EAF1: variants seen among roughly 807,000 people sequenced by gnomAD.
EAF1 encodes ELL associated factor 1.
Under a neutral mutation model 26.6 loss-of-function variants are expected in EAF1, and 19 were observed. That is an observed-to-expected ratio of 0.71 (90% CI 0.50 to 1.05). The LOEUF is 1.05. Ranked by LOEUF, EAF1 falls within the 50% of genes least tolerant of loss-of-function variation. EAF1 has a pLI of 0.00. For synonymous variants in EAF1, 102 were observed against 120.6 expected (o/e 0.85, Z 1.01); for missense variants, 260 against 335.5 (o/e 0.78, Z 1.76).
rs767213809 is a variant in EAF1, at chr3:15,427,631, T to A, written c.-149T>A. 1 of 763,196 alleles carries A rather than the reference T, an allele frequency of 1.3e-6. No individual in the cohort carries two copies. The highest frequency in any genetic ancestry group is 2.2e-6 in the Non-Finnish European group (1 of 460,410). 47.3% of individuals were successfully genotyped at this position (763,196 alleles called of 1,614,324 possible). A position where few individuals can be genotyped will look rare whatever the true frequency, so the allele number is the denominator to read the frequency against. ...CCCCCACGCAGAGGAGAGAACTTGC[T>A]TCTGGACCCGGGTGGGTGCCGGCTC... On this transcript the variant is annotated 5_prime_UTR_variant, in exon 1 of 6. Coordinates refer to ENST00000396842, the MANE Select transcript of EAF1 (RefSeq NM_033083.7).
chr3:15,438,937 G>A (rs2061850647), intron 5 of EAF1, 172 bp from the exon 6 acceptor site: 1 of 615,442 alleles, frequency 1.6e-6, no homozygotes, highest in Non-Finnish European at 2.8e-6. Flanking sequence ...ATAACCAAAA[G>A]CACCATTTTG....
chr3:15,439,091 A>AT lies in EAF1; in HGVS notation c.761-7dup, dbSNP rs199579790. ...TTGTTTGATTCTATGATTTTACTTT[A>AT]TTTTTTTTTTTAAATAGGAAATGAC... On this transcript the variant is annotated splice_polypyrimidine_tract_variant and intron_variant, in intron 5 of 5. Transcript: ENST00000396842. The AT allele has an allele frequency of 9.2e-3, 11,715 of 1,277,398 alleles. 11 individuals are homozygous for AT. Among genetic ancestry groups the AT allele is most frequent in the Non-Finnish European group, 0.01 (9,517 of 930,306 alleles). The allele number at this position is 1,277,398 out of a possible 1,614,324, so 79.1% of individuals were successfully genotyped here.
chr3:15,433,033 A>T (rs2061811372), intron 3 of EAF1: 1 of 151,944 alleles, frequency 6.6e-6, no homozygotes, highest in Non-Finnish European at 1.5e-5. Context: ...GCACTCTGCT[A>T]GATGCTTTAT....
Position 15,434,472 on chromosome 3 carries a change from G to A in EAF1, c.460G>A (p.Gly154Arg). The part of the protein sequence containing the change: ...PFRAPTKPPV[G>R]PKTSPLKDNP... ...CAGAGCTCCAACGAAGCCTCCAGTT[G>A]GACCCAAAACTTCTCCCTTGAAAGA... The change falls in exon 4 of 6, where the codon GGA (glycine) becomes AGA (arginine). Residue 154 changes from glycine to arginine, a missense_variant. Gly to Arg is a moderately radical substitution (Grantham distance 125). Transcript: ENST00000396842. 6.2e-7 allele frequency: 1 copy of A among 1,614,112 alleles called. No homozygotes were observed. Among genetic ancestry groups the A allele is most frequent in the Non-Finnish European group, 8.5e-7 (1 of 1,180,032 alleles).
rs745886469 is a variant in EAF1 at position 15,436,454 on chromosome 3, C to A, written c.639C>A (p.Gly213=). ...GSDDDSSSSG[G]EDNGPASPPQ... Reference sequence around the variant, plus strand: ...ATGACGATAGCTCCAGCAGTGGAGGCGAGGACAATGGCCCAGCCTCTCCTC... The same window carrying A: ...ATGACGATAGCTCCAGCAGTGGAGGAGAGGACAATGGCCCAGCCTCTCCTC... Residue 213 remains glycine (G), a synonymous_variant, in exon 5 of 6, where the codon GGC becomes GGA. Coordinates refer to ENST00000396842, the MANE Select transcript of EAF1 (RefSeq NM_033083.7). 1.9e-6 allele frequency: 3 copies of A among 1,613,558 alleles called. No homozygotes were observed. Among genetic ancestry groups the A allele is most frequent in the Admixed American group, 3.3e-5 (2 of 60,008 alleles).
In EAF1 at chr3:15,436,617, G is replaced by A. The variant is rs573134808; in HGVS notation, c.760+42G>A. ...TTTTATGGCTGAGAGAGGGCCATAG[G>A]TGCAGCTTCTATTTATCCTGTGCCA... On this transcript the variant is annotated intron_variant, in intron 5 of 5. Transcript: ENST00000396842. 1.4e-4 allele frequency: 206 copies of A among 1,446,162 alleles called. 1 individual carries two copies. In the South Asian group the frequency reaches 1.7e-3, roughly 12 times the overall value. The allele number at this position is 1,446,162 out of a possible 1,614,324, so 89.6% of individuals were successfully genotyped here.
chr3:15,438,284 A>G (rs1391649164), intron 5 of EAF1, among the ~76,000 whole-genome samples: 1 of 152,208 alleles, frequency 6.6e-6, no homozygotes, highest in African/African-American at 2.4e-5. Context: ...GTAAACAGGA[A>G]TCTGGGGTTT....
At position 15,427,729 on chromosome 3, in the gene EAF1, C is replaced by A. The variant is rs548787128; in HGVS notation, c.-51C>A. 4 of 1,524,180 alleles carry A rather than the reference C, an allele frequency of 2.6e-6. No homozygotes were observed. Among genetic ancestry groups the A allele is most frequent in the Admixed American group, 2.0e-5 (1 of 50,774 alleles). The allele number at this position is 1,524,180 out of a possible 1,614,324, so 94.4% of individuals were successfully genotyped here. ...AGACGCCAGCGCCAGAAGCTCGGAT[C>A]GCGGCTGCACCGGGAGAGCGCCGAT... is the stretch of plus-strand genomic sequence containing the variant. On this transcript the variant is annotated 5_prime_UTR_variant, in exon 1 of 6. Transcript: ENST00000396842.
rs534963267 is a variant in EAF1 at position 15,435,853 on chromosome 3, A to C, written c.527-489A>C. On this transcript the variant is annotated intron_variant, in intron 4 of 5. Transcript: ENST00000396842. ...GAGGCTGTCTGGTTTTCATTTTTCC[A>C]GAGTGGCTTGGAAAATTCATTGACT... 4.6e-5 allele frequency among the ~76,000 whole-genome samples: 7 copies of C among 152,334 alleles called. No individual in the cohort carries two copies. In the East Asian group the frequency reaches 1.3e-3, roughly 29 times the overall value.
intron 4 of EAF1, among the ~76,000 whole-genome samples, chr3:15,435,299 T>C (rs1193846045): frequency 6.6e-6 from 1 of 152,212 alleles, no homozygotes; most frequent in South Asian, 2.1e-4. Flanking sequence ...ATGGTTTTAG[T>C]CCTCCAGACT....
chr3:15,442,575 G>A lies in EAF1; in HGVS notation c.*3420G>A, dbSNP rs1575455717. On this transcript the variant is annotated 3_prime_UTR_variant, in exon 6 of 6. Transcript: ENST00000396842. ...GTATTTTTTGTTTATTCTCTTAAAA[G>A]ATCACTATATTTAAATAAAAGTGAA... The A allele has an allele frequency of 6.6e-6, 1 of 152,274 alleles. No individual in the cohort carries two copies. The highest frequency in any genetic ancestry group is 6.6e-5 in the Admixed American group (1 of 15,236). 9.4% of individuals were successfully genotyped at this position (152,274 alleles called of 1,614,324 possible).
chr3:15,431,995 A>G lies in EAF1; in HGVS notation c.199-92A>G, dbSNP rs995940672. 7.1e-6 allele frequency: 10 copies of G among 1,408,314 alleles called. No homozygotes were observed. The Admixed American group carries it at 2.3e-4, about 32-fold the overall frequency. The allele number at this position is 1,408,314 out of a possible 1,614,324, so 87.2% of individuals were successfully genotyped here. A position where few individuals can be genotyped will look rare whatever the true frequency, so the allele number is the denominator to read the frequency against. ...TGTTCTTTTTGAATAGCTCTGATAA[A>G]AGATTTCATCAGGTGGAGTCATCTA... On this transcript the variant is annotated intron_variant, in intron 2 of 5. Transcript: ENST00000396842.
In EAF1 at chr3:15,442,100, A is replaced by AT. The variant is rs1399471168; in HGVS notation, c.*2946dup. On this transcript the variant is annotated 3_prime_UTR_variant, in exon 6 of 6. Transcript: ENST00000396842. ...CTAACGATTTTATTTCTGTAGCAGA[A>AT]TCATTTTTTCTATGTAAGGTGTTAA... 1 of 152,578 alleles carries AT rather than the reference A, an allele frequency of 6.6e-6. No individual in the cohort carries two copies. The highest frequency in any genetic ancestry group is 1.5e-5 in the Non-Finnish European group (1 of 68,020). The allele number at this position is 152,578 out of a possible 1,614,324, so 9.5% of individuals were successfully genotyped here.
In EAF1 at chr3:15,441,559, G is replaced by C. The variant is rs1299311151; in HGVS notation, c.*2404G>C. On this transcript the variant is annotated 3_prime_UTR_variant, in exon 6 of 6. Coordinates refer to ENST00000396842, the MANE Select transcript of EAF1 (RefSeq NM_033083.7). The stretch of plus-strand genomic sequence containing the variant: ...GCTCCTTAAAAGCAGGTACTGGGCT[G>C]GCTGTGGTGACTCATGCCTGTAATC... 6.8e-6 allele frequency: 1 copy of C among 148,136 alleles called. No individual in the cohort carries two copies. Among genetic ancestry groups the C allele is most frequent in the Non-Finnish European group, 1.5e-5 (1 of 67,442 alleles). The allele number at this position is 148,136 out of a possible 1,614,324, so 9.2% of individuals were successfully genotyped here. A position where few individuals can be genotyped will look rare whatever the true frequency, so the allele number is the denominator to read the frequency against.
At position 15,432,136 on chromosome 3, in the gene EAF1, A is replaced by T. The variant is rs1294128678; in HGVS notation, c.248A>T (p.Gln83Leu). 6.2e-7 allele frequency: 1 copy of T among 1,614,078 alleles called. No homozygotes were observed. Among genetic ancestry groups the T allele is most frequent in the Non-Finnish European group, 8.5e-7 (1 of 1,180,018 alleles). ...TVFKGNKRPY[Q>L]KDCVLIINHD... ...TTCAAGGGGAACAAACGGCCTTACC[A>T]GAAAGACTGTGTGCTTATTATTAAT... Residue 83 changes from glutamine to leucine, a missense_variant, in exon 3 of 6, where the codon CAG becomes CTG. Physicochemically the swap from Gln to Leu is moderately radical, Grantham distance 113 (BLOSUM62 -2). Transcript: ENST00000396842.
At chr3:15,428,379 A>G (rs1400193839) in intron 1 of EAF1, among the ~76,000 whole-genome samples, 3 of 151,672 alleles carry the variant, frequency 2.0e-5, no homozygotes, top group African/African-American at 4.9e-5. Flanking sequence ...TTGGTCCTGG[A>G]CTCCCAAATA....
At chr3:15,431,348 C>T (rs778662085) in intron 2 of EAF1, among the ~76,000 whole-genome samples, 9 of 152,230 alleles carry the variant, frequency 5.9e-5, no homozygotes, top group Middle Eastern at 3.4e-3. Context: ...GTGAGCAGAT[C>T]TGGAGGTTGG....
At chr3:15,430,473 A>G (rs1361814845) in intron 2 of EAF1, among the ~76,000 whole-genome samples, 2 of 151,874 alleles carry the variant, frequency 1.3e-5, no homozygotes, top group Non-Finnish European at 2.9e-5. Flanking sequence ...AAAAAAAAAA[A>G]AAAGATTATT....
In EAF1 at chr3:15,441,009, A is replaced by G. The variant is rs112775989; in HGVS notation, c.*1854A>G. ...CCTCTCTCTCTTTCTCTCCTCCCCAACTTTTTTCTGAAAGCCTTGATTTCT... is the reference window on the plus strand; with the variant it reads ...CCTCTCTCTCTTTCTCTCCTCCCCAGCTTTTTTCTGAAAGCCTTGATTTCT... On this transcript the variant is annotated 3_prime_UTR_variant, in exon 6 of 6. Transcript: ENST00000396842. 808 of 152,358 alleles carry G rather than the reference A, an allele frequency of 5.3e-3. 2 individuals are homozygous for G. The highest frequency in any genetic ancestry group is 7.0e-3 in the Non-Finnish European group (479 of 67,976). 9.4% of individuals were successfully genotyped at this position (152,358 alleles called of 1,614,324 possible). A position where few individuals can be genotyped will look rare whatever the true frequency, so the allele number is the denominator to read the frequency against.
Sources: gnomAD v4.1 joint callset for allele counts (sites outside exome capture counted in the v4.1 genomes callset) on GRCh38, gnomAD v4.1.1 for gene constraint, MANE v1.5 for transcripts, NCBI Gene and HGNC (gene_info 2026-07-23, HGNC 2026-07-21) for gene names.